YWHAH: variants seen among roughly 807,000 people sequenced by gnomAD.
YWHAH encodes 14-3-3 protein eta.
YWHAH carries 6 observed loss-of-function variants against 22.9 expected under a neutral mutation model. The observed-to-expected ratio is 0.26, with a 90% CI of 0.14 to 0.52. YWHAH has a LOEUF of 0.52. YWHAH is among the 20% of genes least tolerant of loss of function. The probability of loss-of-function intolerance (pLI) is 0.97; values close to 1 mark genes in which losing one functional copy is unlikely to be tolerated. For missense variants in YWHAH, 173 were observed against 308.6 expected (o/e 0.56, Z 3.29); for synonymous variants, 135 against 124.5 (o/e 1.08, Z -0.56).
At chr22:31,947,768 G>C (rs1287710620) in intron 1 of YWHAH, among the ~76,000 whole-genome samples, 3 of 152,132 alleles carry the variant, frequency 2.0e-5, no homozygotes, top group Non-Finnish European at 4.4e-5. Flanking sequence ...TTTGATAACT[G>C]AAATAAACCT....
chr22:31,952,326 T>C (rs2853884), intron 1 of YWHAH, among the ~76,000 whole-genome samples: 36,608 of 152,162 alleles, frequency 0.24, 5,427 homozygotes, highest in Non-Finnish European at 0.32. Context: ...TCCTGTATTT[T>C]GGTATTTGAA....
intron 1 of YWHAH, chr22:31,950,385 C>T (rs577610059): frequency 1.3e-6 from 1 of 779,472 alleles, no homozygotes; most frequent in African/African-American, 1.7e-5. Context: ...CTCCTCCCGC[C>T]CCTACTCCTG....
intron 1 of YWHAH, among the ~76,000 whole-genome samples, chr22:31,949,516 G>C (rs536903749): frequency 1.2e-4 from 18 of 148,574 alleles, no homozygotes; most frequent in South Asian, 4.2e-4. Context: ...TTTTTGGTGG[G>C]GGGGGGAGTC....
chr22:31,948,401 TTC>T (rs1247656951), intron 1 of YWHAH, among the ~76,000 whole-genome samples: 2 of 151,992 alleles, frequency 1.3e-5, no homozygotes, highest in Non-Finnish European at 2.9e-5. Context: ...TTTTTTTTTT[TTC>T]TTAAAGAGAT....
chr22:31,953,376 T>A (rs2093845683), intron 1 of YWHAH, among the ~76,000 whole-genome samples: 1 of 152,226 alleles, frequency 6.6e-6, no homozygotes, highest in Non-Finnish European at 1.5e-5. Context: ...TCAGAAGTGT[T>A]GTTCGTTAAA....
At position 31,956,267 on chromosome 22, in the gene YWHAH, T is replaced by G. The variant is rs1177366738; in HGVS notation, c.216T>G (p.Ala72=). ...GCAGCATTGAGCAGAAAACCATGGC[T>G]GATGGAAACGAAAAGAAATTGGAGA... ...VISSIEQKTM[A]DGNEKKLEKV... The change falls in exon 2 of 2, where the codon GCT becomes GCG. Residue 72 remains alanine (A), a synonymous_variant. Coordinates refer to ENST00000248975, the MANE Select transcript of YWHAH (RefSeq NM_003405.4). This position sits in a 1 kb window ranked among gnomAD's most constrained non-coding sequence, Gnocchi z 5.1. 1.9e-6 allele frequency: 3 copies of G among 1,614,120 alleles called. No individual in the cohort carries two copies. The highest frequency in any genetic ancestry group is 1.6e-4 in the Middle Eastern group (1 of 6,062).
intron 1 of YWHAH, among the ~76,000 whole-genome samples, chr22:31,951,397 CTG>C (rs1389638085): frequency 1.3e-5 from 2 of 152,198 alleles, no homozygotes; most frequent in Admixed American, 6.5e-5. Flanking sequence ...ATGTGTGGAG[CTG>C]TGAAGGATGG....
chr22:31,956,114 T>A lies in YWHAH; in HGVS notation c.88-25T>A, dbSNP rs1445352191. The A allele has an allele frequency of 6.4e-7, 1 of 1,561,558 alleles. No individual in the cohort carries two copies. The highest frequency in any genetic ancestry group is 1.4e-5 in the African/African-American group (1 of 72,306). On this transcript the variant is annotated intron_variant, in intron 1 of 1. Transcript: ENST00000248975. The surrounding 1 kb of genome is among the most constrained non-coding windows in gnomAD (Gnocchi z 5.1). ...CAAGATTTTCAGATTTTGCTTTCAATGTTTATCTTTTTGGGGTTTTGCAGG... is the reference window on the plus strand; with the variant it reads ...CAAGATTTTCAGATTTTGCTTTCAAAGTTTATCTTTTTGGGGTTTTGCAGG...
chr22:31,945,709 G>A (rs2093833349), intron 1 of YWHAH: 1 of 1,234,872 alleles, frequency 8.1e-7, no homozygotes, highest in South Asian at 1.4e-5. Context: ...CCTGCGTCAA[G>A]GTCACACAGT....
chr22:31,954,654 C>G (rs1056493562), intron 1 of YWHAH, among the ~76,000 whole-genome samples: 1 of 152,162 alleles, frequency 6.6e-6, no homozygotes, highest in Non-Finnish European at 1.5e-5. Context: ...TAGGCACTCT[C>G]CCAGCTTCTG....
chr22:31,955,543 A>G (rs2093848578), intron 1 of YWHAH, among the ~76,000 whole-genome samples: 1 of 151,356 alleles, frequency 6.6e-6, no homozygotes, highest in Admixed American at 6.6e-5. Context: ...TCCGGGTTCA[A>G]GAGTTTCTCT....
intron 1 of YWHAH, chr22:31,945,704 G>A (rs1331276603): frequency 2.4e-6 from 3 of 1,237,452 alleles, no homozygotes; most frequent in Non-Finnish European, 3.1e-6. Flanking sequence ...CTCTCCCTGC[G>A]TCAAGGTCAC....
At chr22:31,953,986 G>A (rs1340035687) in intron 1 of YWHAH, among the ~76,000 whole-genome samples, 1 of 152,066 alleles carries the variant, frequency 6.6e-6, no homozygotes, top group East Asian at 1.9e-4. Context: ...GTGAGAACTT[G>A]GCACGTTTTC....
At chr22:31,944,923 G>C (rs1203805120) in intron 1 of YWHAH, 103 bp downstream of exon 1, 16 of 1,140,910 alleles carry the variant, frequency 1.4e-5, no homozygotes, top group Non-Finnish European at 1.7e-5. Context: ...TGGGCGACCC[G>C]GCGACCCGGC....
In YWHAH at chr22:31,957,014, T is replaced by C. The variant is rs920601395; in HGVS notation, c.*222T>C. 4.4e-5 allele frequency: 24 copies of C among 547,604 alleles called. No individual in the cohort carries two copies. In the South Asian group the frequency reaches 6.1e-4, roughly 14 times the overall value. The allele number at this position is 547,604 out of a possible 1,614,324, so 33.9% of individuals were successfully genotyped here. A position where few individuals can be genotyped will look rare whatever the true frequency, so the allele number is the denominator to read the frequency against. On this transcript the variant is annotated 3_prime_UTR_variant, in exon 2 of 2. Transcript: ENST00000248975. ...CCACAGGAGCTCCCTTTTTGAATTG[T>C]GTGGAGAAGTGTGTTCTGATGAGGC... is the stretch of plus-strand genomic sequence containing the variant.
At chr22:31,948,678 A>G (rs1379304936) in intron 1 of YWHAH, among the ~76,000 whole-genome samples, 1 of 152,208 alleles carries the variant, frequency 6.6e-6, no homozygotes, top group African/African-American at 2.4e-5. Flanking sequence ...CCCAACCAGT[A>G]GGAAATCTTA....
intron 1 of YWHAH, among the ~76,000 whole-genome samples, chr22:31,952,224 G>C (rs376263031): frequency 6.6e-6 from 1 of 152,186 alleles, no homozygotes. Flanking sequence ...TAGCATGGTC[G>C]GGGCCTGGAG....
At chr22:31,955,464 T>C (rs1261151928) in intron 1 of YWHAH, among the ~76,000 whole-genome samples, 2 of 148,216 alleles carry the variant, frequency 1.3e-5, no homozygotes, top group African/African-American at 5.0e-5. Context: ...TTTTTTCTTT[T>C]GAGACGGAGG....
chr22:31,949,173 CTT>C (rs1219484467), intron 1 of YWHAH, among the ~76,000 whole-genome samples: 1 of 103,618 alleles, frequency 9.7e-6, no homozygotes, highest in Non-Finnish European at 1.8e-5. Flanking sequence ...CAGTTTCGCT[CTT>C]GTTGCCCAGG....
Sources: allele counts gnomAD v4.1 joint callset (sites outside exome capture counted in the v4.1 genomes callset), GRCh38; gene constraint gnomAD v4.1.1; non-coding constraint Gnocchi (gnomAD v3.1); transcripts MANE v1.5; gene names NCBI Gene and HGNC (gene_info 2026-07-23, HGNC 2026-07-21).